Variants in MUC12 observed in about 807,000 individuals in gnomAD.
MUC12 encodes the protein mucin 12, cell surface associated, also known as mucin-12.
In MUC12, 172 loss-of-function variants were observed where a neutral mutation model predicts 230.8. The observed-to-expected ratio is 0.75, with a 90% confidence interval of 0.66 to 0.85. The LOEUF is 0.85. Ranked by LOEUF, MUC12 falls within the 40% of genes least tolerant of loss-of-function variation. MUC12 has a pLI of 0.00. For missense variants in MUC12, 3,506 were observed against 5,920.6 expected (o/e 0.59, Z 13.38); for synonymous variants, 1,259 against 2,401.9 (o/e 0.52, Z 13.91).
At position 101,015,565 on chromosome 7, in the gene MUC12, C is replaced by T. The variant is rs368464443; in HGVS notation, c.15801-50C>T. Reference sequence around the variant, plus strand: ...AGCTGAAGGTCAGGGTCCACCAAGTCCCTCCTCAGCCTCCTTGCCTACAGC... The same window carrying T: ...AGCTGAAGGTCAGGGTCCACCAAGTTCCTCCTCAGCCTCCTTGCCTACAGC... On this transcript the variant is annotated intron_variant, in intron 9 of 11. Coordinates refer to ENST00000536621, the MANE Select transcript of MUC12 (RefSeq NM_001164462.2). The T allele has an allele frequency of 3.3e-6, 5 of 1,493,320 alleles. No individual in the cohort carries two copies. In the South Asian group the frequency reaches 6.0e-5, roughly 18 times the overall value. The allele number at this position is 1,493,320 out of a possible 1,614,324, so 92.5% of individuals were successfully genotyped here. A position where few individuals can be genotyped will look rare whatever the true frequency, so the allele number is the denominator to read the frequency against.
intron 1 of MUC12, among the ~76,000 whole-genome samples, chr7:100,984,480 C>A (rs1276190916): frequency 6.6e-6 from 1 of 152,186 alleles, no homozygotes. Flanking sequence ...TGGCCTCGAA[C>A]TCCTGACCTC....
chr7:100,979,963 C>A (rs1038621316), intron 1 of MUC12, among the ~76,000 whole-genome samples: 2 of 149,726 alleles, frequency 1.3e-5, no homozygotes, highest in Middle Eastern at 3.6e-3. Flanking sequence ...GAGTTCCAGG[C>A]GCAGTGAGCT....
intron 9 of MUC12, chr7:101,015,249 T>C: frequency 4.0e-6 from 1 of 251,774 alleles, no homozygotes; most frequent in Non-Finnish European, 7.7e-6. Flanking sequence ...ATGGAGCGTC[T>C]GGGTCTCACT....
intron 1 of MUC12, among the ~76,000 whole-genome samples, chr7:100,977,050 CAAAAAAAAAAAAAAAAAAA>C (rs1157648244): frequency 8.0e-5 from 5 of 62,414 alleles, no homozygotes; most frequent in African/African-American, 3.2e-4. Flanking sequence ...GACTCCATCT[CAAAAAAAAAAAAAAAAAAA>C]AAAAAAAAAA....
At chr7:101,013,480 T>C (rs1268572883) in intron 8 of MUC12, among the ~76,000 whole-genome samples, 1 of 152,202 alleles carries the variant, frequency 6.6e-6, no homozygotes, top group Admixed American at 6.5e-5. Context: ...TCTATATCTG[T>C]CTATATTGTT....
rs1480077905 is a variant in MUC12, at chr7:100,995,537, A to G, written c.4974A>G (p.Glu1658=). ...PDNTTASGLL[E]ASTPVHSSTG... is the part of the protein sequence containing the mutation. ...ACACCACAGCCTCAGGCCTCCTTGAAGCATCTACGCCCGTCCACAGCAGCA... is the reference window on the plus strand; with the variant it reads ...ACACCACAGCCTCAGGCCTCCTTGAGGCATCTACGCCCGTCCACAGCAGCA... The change falls in exon 2 of 12, where the codon GAA becomes GAG. Residue 1658 remains glutamate (E), a synonymous_variant. Coordinates refer to ENST00000536621, the MANE Select transcript of MUC12 (RefSeq NM_001164462.2). 2 of 1,536,220 alleles carry G rather than the reference A, an allele frequency of 1.3e-6. No individual in the cohort carries two copies. The highest frequency in any genetic ancestry group is 1.2e-5 in the South Asian group (1 of 84,000).
intron 1 of MUC12, chr7:100,981,340 C>G: frequency 1.7e-6 from 1 of 590,594 alleles, no homozygotes; most frequent in East Asian, 3.3e-5. Flanking sequence ...TCTCTTCACC[C>G]AGAGCATGGT....
chr7:101,017,580 A>G lies in MUC12; in HGVS notation c.15883A>G (p.Asn5295Asp), dbSNP rs1488516323. 2 of 1,534,188 alleles carry G rather than the reference A, an allele frequency of 1.3e-6. No individual in the cohort carries two copies. Among genetic ancestry groups the G allele is most frequent in the African/African-American group, 1.4e-5 (1 of 72,718 alleles). ...FQKTAIWEDQ[N>D]LRESRFGLEN... is the part of the protein sequence containing the mutation. ...ATCACGGCCTCTCCCTACAGACCAGAATCTGAGGGAGAGCAGATTCGGCCT... is the reference window on the plus strand; with the variant it reads ...ATCACGGCCTCTCCCTACAGACCAGGATCTGAGGGAGAGCAGATTCGGCCT... Residue 5295 changes from asparagine to aspartate, a missense_variant, in exon 11 of 12, where the codon AAT becomes GAT. Asn to Asp is a conservative substitution (Grantham distance 23, BLOSUM62 1). Coordinates refer to ENST00000536621, the MANE Select transcript of MUC12 (RefSeq NM_001164462.2).
At chr7:100,978,686 G>A (rs73712029) in intron 1 of MUC12, among the ~76,000 whole-genome samples, 9,577 of 152,216 alleles carry the variant, frequency 0.063, 329 homozygotes, top group African/African-American at 0.072. Flanking sequence ...GGTGGCAGGA[G>A]GAGACAGTTT....
In MUC12 at chr7:101,004,650, C is replaced by G. The variant is rs898380482; in HGVS notation, c.14087C>G (p.Thr4696Arg). Residue 4696 changes from threonine (T) to arginine (R), a missense_variant, in exon 2 of 12, where the codon ACA becomes AGA. Transcript: ENST00000536621. The part of the protein sequence containing the change: ...SHSSPDTNGI[T>R]PLPAHFTTSG... ...AGCAGCCCAGATACAAATGGAATCA[C>G]ACCCTTACCTGCCCATTTTACTACC... The G allele has an allele frequency of 3.7e-5, 57 of 1,537,350 alleles. No individual in the cohort carries two copies. Among genetic ancestry groups the G allele is most frequent in the Non-Finnish European group, 4.7e-5 (54 of 1,146,664 alleles).
intron 1 of MUC12, among the ~76,000 whole-genome samples, chr7:100,987,699 G>A (rs1793212456): frequency 6.6e-6 from 1 of 152,148 alleles, no homozygotes; most frequent in South Asian, 2.1e-4. Context: ...TGGGCCAGGC[G>A]CGGTGGCTCG....
intron 1 of MUC12, among the ~76,000 whole-genome samples, chr7:100,982,023 T>C (rs1793116250): frequency 6.6e-6 from 1 of 151,986 alleles, no homozygotes. Context: ...CCCGCCACCA[T>C]GCCCGGCCAA....
rs769996532 is a variant in MUC12 at position 101,002,953 on chromosome 7, G to C, written c.12390G>C (p.Glu4130Asp). ...GTTCCACAACCTTGGGCCGTAGTGA[G>C]GAATCAACAACAGTCCACAGCAGCC... ...SASSTTLGRSEESTTVHSSPG... is the reference protein window; with the variant it reads ...SASSTTLGRSDESTTVHSSPG... The change falls in exon 2 of 12, where the codon GAG (glutamate) becomes GAC (aspartate). Residue 4130 changes from glutamate to aspartate, a missense_variant. Glu to Asp is a conservative substitution (Grantham distance 45). Transcript: ENST00000536621. 22 of 1,242,532 alleles carry C rather than the reference G, an allele frequency of 1.8e-5. No individual in the cohort carries two copies. Among genetic ancestry groups the C allele is most frequent in the Non-Finnish European group, 2.4e-5 (22 of 904,868 alleles). 77.0% of individuals were successfully genotyped at this position (1,242,532 alleles called of 1,614,324 possible). A position where few individuals can be genotyped will look rare whatever the true frequency, so the allele number is the denominator to read the frequency against.
Position 101,018,538 on chromosome 7 carries a change from G to A in MUC12, c.15967-57G>A. 5 of 1,524,690 alleles carry A rather than the reference G, an allele frequency of 3.3e-6. No individual in the cohort carries two copies. In the South Asian group the frequency reaches 6.0e-5, roughly 18 times the overall value. The allele number at this position is 1,524,690 out of a possible 1,614,324, so 94.4% of individuals were successfully genotyped here. A position where few individuals can be genotyped will look rare whatever the true frequency, so the allele number is the denominator to read the frequency against. ...CGCCAGGGCTCCCTCTTCCTCCTGG[G>A]GCTCCCCCTTTCCCGGGTCTGCCCC... On this transcript the variant is annotated intron_variant, in intron 11 of 11. Transcript: ENST00000536621.
chr7:101,018,695 CCCA>C lies in MUC12; in HGVS notation c.*64_*66del. ...GTTCAGGAGAGCTGCAAACACAGAG[CCCA>C]CCACAAGCCTCCGGGGCGGGTCAAG... On this transcript the variant is annotated 3_prime_UTR_variant, in exon 12 of 12. Coordinates refer to ENST00000536621, the MANE Select transcript of MUC12 (RefSeq NM_001164462.2). 1 of 1,492,146 alleles carries C rather than the reference CCCA, an allele frequency of 6.7e-7. No individual in the cohort carries two copies. Among genetic ancestry groups the C allele is most frequent in the Non-Finnish European group, 9.0e-7 (1 of 1,116,154 alleles). The allele number at this position is 1,492,146 out of a possible 1,614,324, so 92.4% of individuals were successfully genotyped here.
At chr7:100,981,410 G>A (rs1584826738) in intron 1 of MUC12, 1 of 636,132 alleles carries the variant, frequency 1.6e-6, no homozygotes, top group South Asian at 1.7e-5. Flanking sequence ...GCTAGCCCAG[G>A]GGACGACGGG....
chr7:100,992,082 C>T lies in MUC12; in HGVS notation c.1519C>T (p.His507Tyr). The T allele has an allele frequency of 1.3e-6, 2 of 1,537,258 alleles. No individual in the cohort carries two copies. Among genetic ancestry groups the T allele is most frequent in the Non-Finnish European group, 1.7e-6 (2 of 1,146,638 alleles). ...YSSPRSPDTT[H>Y]LPASMTSSGV... Reference sequence around the variant, plus strand: ...TAGCCCCAGATCACCAGACACAACACACTTACCTGCCAGCATGACAAGCTC... The same window carrying T: ...TAGCCCCAGATCACCAGACACAACATACTTACCTGCCAGCATGACAAGCTC... Residue 507 changes from histidine to tyrosine, a missense_variant, in exon 2 of 12, where the codon CAC becomes TAC. Coordinates refer to ENST00000536621, the MANE Select transcript of MUC12 (RefSeq NM_001164462.2).
At position 101,004,983 on chromosome 7, in the gene MUC12, C is replaced by T; in HGVS notation, c.14420C>T (p.Thr4807Ile). ...FHSKPGSTETTLSPGSITTSS... is the reference protein window; with the variant it reads ...FHSKPGSTETILSPGSITTSS... ...AGTAAGCCAGGCTCAACTGAGACAACACTGTCCCCTGGCAGCATCACAACT... is the reference window on the plus strand; with the variant it reads ...AGTAAGCCAGGCTCAACTGAGACAATACTGTCCCCTGGCAGCATCACAACT... Residue 4807 changes from threonine to isoleucine, a missense_variant, in exon 2 of 12, where the codon ACA becomes ATA. Physicochemically the swap from Thr to Ile is moderately conservative, Grantham distance 89 (BLOSUM62 -1). Coordinates refer to ENST00000536621, the MANE Select transcript of MUC12 (RefSeq NM_001164462.2). 1 of 1,537,760 alleles carries T rather than the reference C, an allele frequency of 6.5e-7. No individual in the cohort carries two copies. The highest frequency in any genetic ancestry group is 1.2e-5 in the South Asian group (1 of 84,056).
rs2116347580 is a variant in MUC12 at position 101,006,464 on chromosome 7, T to C, written c.14957-7T>C. ...CGGTGACTGCTGTGGATTCTATCTC[T>C]CCACAGGGTTGTGCCAGGAAGGACA... On this transcript the variant is annotated splice_polypyrimidine_tract_variant and splice_region_variant and intron_variant, in intron 2 of 11. Transcript: ENST00000536621. 1 of 1,535,098 alleles carries C rather than the reference T, an allele frequency of 6.5e-7. No individual in the cohort carries two copies. Among genetic ancestry groups the C allele is most frequent in the Non-Finnish European group, 8.7e-7 (1 of 1,145,050 alleles).
Sources: allele counts gnomAD v4.1 joint callset (sites outside exome capture counted in the v4.1 genomes callset), GRCh38; gene constraint gnomAD v4.1.1; transcripts MANE v1.5; gene names NCBI Gene and HGNC (gene_info 2026-07-23, HGNC 2026-07-21).